The following SLC6A9 variants were observed in gnomAD, a reference collection of about 807,000 sequenced individuals.
The protein encoded by SLC6A9 is solute carrier family 6 member 9.
In SLC6A9, 31 loss-of-function variants were observed where a neutral mutation model predicts 70.9. That is an observed-to-expected ratio of 0.44 (90% CI 0.33 to 0.59). The LOEUF (loss-of-function observed/expected upper bound fraction) is 0.59. Ranked by LOEUF, SLC6A9 falls within the 20% of genes least tolerant of loss-of-function variation. The pLI is 0.04. For synonymous variants in SLC6A9, 310 were observed against 341.3 expected (o/e 0.91, Z 1.01); for missense variants, 631 against 845.2 (o/e 0.75, Z 3.14).
At chr1:44,028,132 A>G (rs2087016045) in intron 1 of SLC6A9, among the ~76,000 whole-genome samples, 1 of 152,210 alleles carries the variant, frequency 6.6e-6, no homozygotes, top group South Asian at 2.1e-4. Context: ...GAAGTTAATT[A>G]GGCAAAGTGG....
At chr1:44,017,183 C>T in intron 2 of SLC6A9, 1 of 1,594,078 alleles carries the variant, frequency 6.3e-7, no homozygotes, top group African/African-American at 1.3e-5. Flanking sequence ...CCTGCCTCTC[C>T]CACTGCCGGG....
chr1:44,022,735 T>TTTTTTTC (rs2086910536), intron 2 of SLC6A9, among the ~76,000 whole-genome samples: 1 of 147,240 alleles, frequency 6.8e-6, no homozygotes, highest in Non-Finnish European at 1.5e-5. Flanking sequence ...TTTTTTTTTT[T>TTTTTTTC]TGAGACAGAG....
chr1:44,018,254 G>A lies in SLC6A9; in HGVS notation c.30+5994C>T, dbSNP rs914273169. ...TGAGTTTGGTGAGTGTGGCAACCCCGTAGGGAACATAAGGAGTTTTGTCAA... is the reference window on the plus strand; with the variant it reads ...TGAGTTTGGTGAGTGTGGCAACCCCATAGGGAACATAAGGAGTTTTGTCAA... On this transcript the variant is annotated intron_variant, in intron 2 of 13. Transcript: ENST00000372310. This position sits in a 1 kb window ranked among gnomAD's most constrained non-coding sequence, Gnocchi z 4.2. Among the ~76,000 whole-genome samples, 5 of 152,148 alleles carry A rather than the reference G, an allele frequency of 3.3e-5. No homozygotes were observed. Among genetic ancestry groups the A allele is most frequent in the South Asian group, 4.1e-4 (2 of 4,826 alleles).
At position 43,997,574 on chromosome 1, in the gene SLC6A9, A is replaced by C. The variant is rs1571831930; in HGVS notation, c.1873T>G (p.Ser625Ala). Residue 625 changes from serine (S) to alanine (A), a missense_variant, in exon 14 of 14, where the codon TCC (serine) becomes GCC (alanine). Transcript: ENST00000372310. The surrounding 1 kb of genome is among the most constrained non-coding windows in gnomAD (Gnocchi z 4.4). ...AQIPIVGSNG[S>A]SRLQDSRI ...ATCCGGGAGTCCTGGAGGCGGCTGG[A>C]GCCATTACTGCCCACAATGGGGATC... is the stretch of plus-strand genomic sequence containing the variant. 4 of 1,613,600 alleles carry C rather than the reference A, an allele frequency of 2.5e-6. No individual in the cohort carries two copies. The highest frequency in any genetic ancestry group is 3.4e-6 in the Non-Finnish European group (4 of 1,179,948).
In SLC6A9 at chr1:44,018,807, A is replaced by G. The variant is rs1157884227; in HGVS notation, c.30+5441T>C. 1.3e-5 allele frequency among the ~76,000 whole-genome samples: 2 copies of G among 151,488 alleles called. No individual in the cohort carries two copies. Among genetic ancestry groups the G allele is most frequent in the Non-Finnish European group, 2.9e-5 (2 of 67,854 alleles). The stretch of plus-strand genomic sequence containing the variant: ...TGGCAAGGTGTGGTGGTGTGTACCT[A>G]TAGTCCCAGCTACTCAGGAGACTGA... On this transcript the variant is annotated intron_variant, in intron 2 of 13. Transcript: ENST00000372310. This position sits in a 1 kb window ranked among gnomAD's most constrained non-coding sequence, Gnocchi z 4.2.
rs1010116892 is a variant in SLC6A9 at position 44,013,657 on chromosome 1, T to A, written c.31-2775A>T. On this transcript the variant is annotated intron_variant, in intron 2 of 13. Transcript: ENST00000372310. This position sits in a 1 kb window ranked among gnomAD's most constrained non-coding sequence, Gnocchi z 5.3. ...GAATCTGGCCCAGGCTTGGCCTCTG[T>A]CTTCAACTCCAGGGCTGTCTACGCT... is the stretch of plus-strand genomic sequence containing the variant. Among the ~76,000 whole-genome samples, 2 of 152,122 alleles carry A rather than the reference T, an allele frequency of 1.3e-5. No individual in the cohort carries two copies. The highest frequency in any genetic ancestry group is 1.9e-4 in the East Asian group (1 of 5,184).
intron 1 of SLC6A9, among the ~76,000 whole-genome samples, chr1:44,026,036 C>T (rs2086976593): frequency 1.3e-5 from 2 of 152,260 alleles, no homozygotes; most frequent in Non-Finnish European, 2.9e-5. Flanking sequence ...GCAAATCAGG[C>T]CTTGGCATTT....
Position 44,002,272 on chromosome 1 carries a change from T to C in SLC6A9, c.962+41A>G, listed in dbSNP as rs372134036. The C allele has an allele frequency of 5.3e-5, 75 of 1,410,734 alleles. No individual in the cohort carries two copies. The African/African-American group carries it at 8.6e-4, about 16-fold the overall frequency. The allele number at this position is 1,410,734 out of a possible 1,614,324, so 87.4% of individuals were successfully genotyped here. A position where few individuals can be genotyped will look rare whatever the true frequency, so the allele number is the denominator to read the frequency against. On this transcript the variant is annotated intron_variant, in intron 8 of 13. Transcript: ENST00000372310. This position sits in a 1 kb window ranked among gnomAD's most constrained non-coding sequence, Gnocchi z 5.5. ...GGAGCTGAGATCAGGCTGCAGAGAGTGCAGGAAGGGGGCAGCCTCAGCCCA... is the reference window on the plus strand; with the variant it reads ...GGAGCTGAGATCAGGCTGCAGAGAGCGCAGGAAGGGGGCAGCCTCAGCCCA...
At chr1:44,029,520 T>C (rs1038249486) in intron 1 of SLC6A9, among the ~76,000 whole-genome samples, 1 of 152,204 alleles carries the variant, frequency 6.6e-6, no homozygotes, top group Non-Finnish European at 1.5e-5. Flanking sequence ...CACCTGTATG[T>C]ATCCTACCCA....
rs149613555 is a variant in SLC6A9 at position 43,998,091 on chromosome 1, C to T, written c.1537-66G>A. Reference sequence around the variant, plus strand: ...AGAGCCCAGACCCCAGGCCATCCCTCTACCAGCACCCTTTCCTCTCTGGTT... The same window carrying T: ...AGAGCCCAGACCCCAGGCCATCCCTTTACCAGCACCCTTTCCTCTCTGGTT... On this transcript the variant is annotated intron_variant, in intron 12 of 13. Transcript: ENST00000372310. The T allele has an allele frequency of 2.4e-4, 336 of 1,419,960 alleles. 3 individuals are homozygous for T. The African/African-American group carries it at 4.3e-3, about 18-fold the overall frequency. 88.0% of individuals were successfully genotyped at this position (1,419,960 alleles called of 1,614,324 possible).
chr1:44,015,818 T>C, intron 2 of SLC6A9: 1 of 982,552 alleles, frequency 1.0e-6, no homozygotes, highest in Non-Finnish European at 1.2e-6. Flanking sequence ...GTTACCTGGA[T>C]ATGGGAGAGT....
In SLC6A9 at chr1:44,002,869, A is replaced by G; in HGVS notation, c.707T>C (p.Val236Ala). 1 of 1,613,794 alleles carries G rather than the reference A, an allele frequency of 6.2e-7. No individual in the cohort carries two copies. The highest frequency in any genetic ancestry group is 8.5e-7 in the Non-Finnish European group (1 of 1,179,940). The change falls in exon 6 of 14, where the codon GTC becomes GCC. Residue 236 changes from valine (V) to alanine (A), a missense_variant. Physicochemically the swap from Val to Ala is moderately conservative, Grantham distance 64. Transcript: ENST00000372310. The surrounding 1 kb of genome is among the most constrained non-coding windows in gnomAD (Gnocchi z 5.5). Reference sequence around the variant, plus strand: ...GGTACTTGCTTTCCCTGAAGACTTGACCCCTCGGATGAGGCAGAGGAAGAC... The same window carrying G: ...GGTACTTGCTTTCCCTGAAGACTTGGCCCCTCGGATGAGGCAGAGGAAGAC... ...LVVFLCLIRG[V>A]KSSGKVVYFT...
chr1:44,017,416 G>A (rs2086790724), intron 2 of SLC6A9: 1 of 1,152,052 alleles, frequency 8.7e-7, no homozygotes, highest in Non-Finnish European at 1.1e-6. Context: ...CACAGACTGG[G>A]GCAGAGCAGG....
intron 1 of SLC6A9, among the ~76,000 whole-genome samples, chr1:44,029,652 T>C (rs2087056078): frequency 6.6e-6 from 1 of 152,190 alleles, no homozygotes; most frequent in African/African-American, 2.4e-5. Flanking sequence ...CATGCTTCCT[T>C]GTGCCCAAGT....
intron 2 of SLC6A9, among the ~76,000 whole-genome samples, chr1:44,020,228 G>C (rs2086855694): frequency 1.3e-5 from 2 of 152,334 alleles, no homozygotes; most frequent in Middle Eastern, 3.4e-3. Flanking sequence ...CCTGCTGTGT[G>C]TGAGAACCTG....
chr1:44,010,114 G>A lies in SLC6A9; in HGVS notation c.188-18C>T. The A allele has an allele frequency of 6.2e-7, 1 of 1,613,216 alleles. No individual in the cohort carries two copies. The highest frequency in any genetic ancestry group is 8.5e-7 in the Non-Finnish European group (1 of 1,179,418). ...GAAGGCGCCTGGTAGGCAGGGAGAG[G>A]TCTGGCTCAGGAGTGGGCTTGGAGG... On this transcript the variant is annotated intron_variant, in intron 3 of 13. Coordinates refer to ENST00000372310, the MANE Select transcript of SLC6A9 (RefSeq NM_001024845.3).
rs141601886 is a variant in SLC6A9 at position 44,000,967 on chromosome 1, A to G, written c.1424T>C (p.Met475Thr). The change falls in exon 11 of 14, where the codon ATG becomes ACG. Residue 475 changes from methionine to threonine, a missense_variant. Transcript: ENST00000372310. ...GCTCGAGTGCTCACCGTAGATGTAC[A>G]TGATGGCCACACACATGATGCAGGA... Reference protein sequence around the residue: ...VISCIMCVAIMYIYGHRNYFQ... With the variant: ...VISCIMCVAITYIYGHRNYFQ... 35 of 1,599,790 alleles carry G rather than the reference A, an allele frequency of 2.2e-5. No homozygotes were observed. The highest frequency in any genetic ancestry group is 1.3e-4 in the African/African-American group (10 of 74,678).
At chr1:44,021,099 T>C (rs1368059248) in intron 2 of SLC6A9, among the ~76,000 whole-genome samples, 1 of 152,074 alleles carries the variant, frequency 6.6e-6, no homozygotes, top group Non-Finnish European at 1.5e-5. Flanking sequence ...ACTGAGCTAG[T>C]GGGGGCTCTC....
intron 2 of SLC6A9, among the ~76,000 whole-genome samples, chr1:44,015,405 G>A (rs2086707012): frequency 6.6e-6 from 1 of 152,182 alleles, no homozygotes; most frequent in African/African-American, 2.4e-5. Flanking sequence ...CTGGATGGGC[G>A]GGCCCCTCTG....
Sources: allele counts gnomAD v4.1 joint callset (sites outside exome capture counted in the v4.1 genomes callset), GRCh38; gene constraint gnomAD v4.1.1; non-coding constraint Gnocchi (gnomAD v3.1); transcripts MANE v1.5; gene names NCBI Gene and HGNC (gene_info 2026-07-23, HGNC 2026-07-21).